Variants in LRRK2 observed in about 807,000 individuals in gnomAD.
LRRK2 encodes the protein leucine-rich repeat serine/threonine-protein kinase 2.
A neutral mutation model predicts 302.6 loss-of-function variants in LRRK2; 203 were observed. The observed-to-expected ratio is 0.67, with a 90% CI of 0.60 to 0.75. The LOEUF is 0.75. LRRK2 is among the 30% of genes least tolerant of loss of function. LRRK2 has a pLI of 0.00. For synonymous variants in LRRK2, 1,066 were observed against 1,031.9 expected, an observed-to-expected ratio of 1.03 and a Z score of -0.63; for missense variants, 2,830 against 2,951.0, an observed-to-expected ratio of 0.96 and a Z score of 0.95.
chr12:40,230,786 A>G (rs1454847563), intron 2 of LRRK2, among the ~76,000 whole-genome samples: 1 of 151,490 alleles, frequency 6.6e-6, no homozygotes, highest in African/African-American at 2.4e-5. Context: ...GTTAATTTTC[A>G]TCTCCGGTTT....
intron 18 of LRRK2, among the ~76,000 whole-genome samples, chr12:40,279,939 G>T (rs986165063): frequency 5.9e-5 from 9 of 152,168 alleles, no homozygotes; most frequent in Non-Finnish European, 1.0e-4. Context: ...AGGTAATCAG[G>T]ACTATTTATT....
At chr12:40,343,582 C>T (rs1946112156) in intron 41 of LRRK2, among the ~76,000 whole-genome samples, 1 of 152,124 alleles carries the variant, frequency 6.6e-6, no homozygotes, top group South Asian at 2.1e-4. Context: ...TATCCTTCAT[C>T]CGTGGATCTT....
chr12:40,338,780 C>T (rs1945950076), intron 40 of LRRK2, among the ~76,000 whole-genome samples: 2 of 152,122 alleles, frequency 1.3e-5, no homozygotes, highest in South Asian at 2.1e-4. Flanking sequence ...AGAGGCATGT[C>T]TTATAAAGGA....
chr12:40,272,092 C>T (rs1356298559), intron 14 of LRRK2, among the ~76,000 whole-genome samples: 1 of 152,130 alleles, frequency 6.6e-6, no homozygotes, highest in African/African-American at 2.4e-5. Context: ...AATGGAAATG[C>T]ACACTCCTTG....
At chr12:40,250,859 T>C (rs1016754979) in intron 8 of LRRK2, among the ~76,000 whole-genome samples, 12 of 152,316 alleles carry the variant, frequency 7.9e-5, no homozygotes, top group African/African-American at 2.9e-4. Flanking sequence ...TATGGCTGCA[T>C]AGTATTCCAT....
chr12:40,279,579 G>C (rs1178831492), intron 18 of LRRK2, among the ~76,000 whole-genome samples: 5 of 152,052 alleles, frequency 3.3e-5, no homozygotes, highest in Non-Finnish European at 7.4e-5. Flanking sequence ...GAACTAAAAA[G>C]AAACTTCCCC....
chr12:40,369,163 C>A lies in LRRK2; in HGVS notation c.*1398C>A, dbSNP rs950994594. The stretch of plus-strand genomic sequence containing the variant: ...CAAAAAAATCATATATAATAGAGCT[C>A]TTTGTTCCAGTGTTATCTCTTTCAT... On this transcript the variant is annotated 3_prime_UTR_variant, in exon 51 of 51. Transcript: ENST00000298910. 6.6e-6 allele frequency: 1 copy of A among 151,610 alleles called. No individual in the cohort carries two copies. The highest frequency in any genetic ancestry group is 1.9e-4 in the East Asian group (1 of 5,270). The allele number at this position is 151,610 out of a possible 1,614,324, so 9.4% of individuals were successfully genotyped here.
intron 47 of LRRK2, among the ~76,000 whole-genome samples, chr12:40,360,619 A>T (rs1483096255): frequency 6.6e-6 from 1 of 152,076 alleles, no homozygotes; most frequent in East Asian, 1.9e-4. Context: ...CATCAATCTG[A>T]TGCAATTTTC....
intron 14 of LRRK2, among the ~76,000 whole-genome samples, chr12:40,268,563 T>G (rs1214920216): frequency 6.6e-6 from 1 of 152,110 alleles, no homozygotes; most frequent in Non-Finnish European, 1.5e-5. Context: ...AAGGACTAAA[T>G]TTTTAAAAAT....
rs1041568364 is a variant in LRRK2, at chr12:40,342,152, G to A, written c.6109+1698G>A. ...TGCTTAATTGGACAGTGGATCTCTC[G>A]GGTCCCTGTGGGCTGTGCGCTTGTA... On this transcript the variant is annotated intron_variant, in intron 41 of 50. Coordinates refer to ENST00000298910, the MANE Select transcript of LRRK2 (RefSeq NM_198578.4). 7.9e-5 allele frequency among the ~76,000 whole-genome samples: 12 copies of A among 152,130 alleles called. No homozygotes were observed. The South Asian group carries it at 1.0e-3, about 13-fold the overall frequency.
At chr12:40,362,349 T>C (rs1946739441) in intron 47 of LRRK2, among the ~76,000 whole-genome samples, 2 of 152,102 alleles carry the variant, frequency 1.3e-5, no homozygotes, top group Non-Finnish European at 2.9e-5. Context: ...ATGTTATCTA[T>C]CTGATTTAAA....
At position 40,320,271 on chromosome 12, in the gene LRRK2, A is replaced by G; in HGVS notation, c.5015+96A>G. 4 of 970,466 alleles carry G rather than the reference A, an allele frequency of 4.1e-6. No homozygotes were observed. In the South Asian group the frequency reaches 6.4e-5, roughly 16 times the overall value. The allele number at this position is 970,466 out of a possible 1,614,324, so 60.1% of individuals were successfully genotyped here. ...CTGTAGTCTATAATAGATGTATTAA[A>G]TAAATAAATATATTTTGCTTCTAGT... On this transcript the variant is annotated intron_variant, in intron 34 of 50. Transcript: ENST00000298910.
At position 40,238,297 on chromosome 12, in the gene LRRK2, T is replaced by G. The variant is rs10878246; in HGVS notation, c.571+194T>G. Among the ~76,000 whole-genome samples, 21,844 of 152,114 alleles carry G rather than the reference T, an allele frequency of 0.14. 1,713 individuals are homozygous for G. The highest frequency in any genetic ancestry group is 0.19 in the Non-Finnish European group (13,169 of 67,962). On this transcript the variant is annotated intron_variant, in intron 5 of 50. Transcript: ENST00000298910. ...CTTGTTTTGGTGGGGTGAATTTCATTCGTGGGTTATAAATCATGCCCCTGG... is the reference window on the plus strand; with the variant it reads ...CTTGTTTTGGTGGGGTGAATTTCATGCGTGGGTTATAAATCATGCCCCTGG...
rs1399468665 is a variant in LRRK2, at chr12:40,251,362, C to G, written c.1089C>G (p.Asn363Lys). The G allele has an allele frequency of 1.9e-6, 3 of 1,613,796 alleles. No individual in the cohort carries two copies. The highest frequency in any genetic ancestry group is 2.7e-5 in the African/African-American group (2 of 74,902). Residue 363 changes from asparagine (N) to lysine (K), a missense_variant, in exon 9 of 51, where the codon AAC becomes AAG. By Grantham distance (94) the Asn-to-Lys change is moderately conservative. Coordinates refer to ENST00000298910, the MANE Select transcript of LRRK2 (RefSeq NM_198578.4). ...CYKALTWHRK[N>K]KHVQEAACWA... ...AAGCATTAACGTGGCATAGAAAGAA[C>G]AAGCACGTGCAGGTAGGACTCTCAT...
intron 18 of LRRK2, among the ~76,000 whole-genome samples, chr12:40,280,912 C>CA (rs1943665720): frequency 6.6e-6 from 1 of 151,484 alleles, no homozygotes; most frequent in South Asian, 2.1e-4. Context: ...TAAAAAAATA[C>CA]AAAAAATTAG....
chr12:40,236,427 G>A (rs1251434097), intron 4 of LRRK2, among the ~76,000 whole-genome samples: 3 of 152,126 alleles, frequency 2.0e-5, no homozygotes, highest in Non-Finnish European at 4.4e-5. Context: ...GAAAACTTTG[G>A]CCTGGTAGAT....
chr12:40,296,364 A>C (rs1944385195), intron 23 of LRRK2, among the ~76,000 whole-genome samples: 1 of 152,078 alleles, frequency 6.6e-6, no homozygotes, highest in Admixed American at 6.6e-5. Flanking sequence ...GGGCATGGTG[A>C]CTCATGCCTA....
At chr12:40,309,657 C>G (rs1307510828) in intron 30 of LRRK2, among the ~76,000 whole-genome samples, 1 of 151,984 alleles carries the variant, frequency 6.6e-6, no homozygotes, top group East Asian at 1.9e-4. Flanking sequence ...TTTAAGTGGT[C>G]CCAGATTATT....
intron 12 of LRRK2, 89 bp from the exon 13 acceptor site, chr12:40,259,391 T>A: frequency 6.6e-7 from 1 of 1,506,296 alleles, no homozygotes; most frequent in African/African-American, 1.4e-5. Context: ...AATATATTGG[T>A]TCTGCCCTCC....
Sources: gnomAD v4.1 joint callset for allele counts (sites outside exome capture counted in the v4.1 genomes callset) on GRCh38, gnomAD v4.1.1 for gene constraint, MANE v1.5 for transcripts, NCBI Gene and HGNC (gene_info 2026-07-23, HGNC 2026-07-21) for gene names.